The following CNTLN variants were observed in gnomAD, a reference collection of about 807,000 sequenced individuals.
CNTLN encodes the protein centlein, centrosomal protein.
Under a neutral mutation model 180.0 loss-of-function variants are expected in CNTLN, and 212 were observed. That is an observed-to-expected ratio of 1.18 (90% CI 1.05 to 1.32). The LOEUF (loss-of-function observed/expected upper bound fraction) is 1.32, where lower values mean the gene tolerates loss of function less well. Among genes scored for constraint, CNTLN ranks in the 40% most tolerant of loss-of-function variants. CNTLN has a pLI of 0.00. For synonymous variants in CNTLN, 722 were observed against 563.1 expected (o/e 1.28, Z -3.99); for missense variants, 2,095 against 1,610.9 (o/e 1.30, Z -5.14).
chr9:17,404,389 C>T (rs893164887), intron 15 of CNTLN, among the ~76,000 whole-genome samples: 1 of 151,578 alleles, frequency 6.6e-6, no homozygotes, highest in Non-Finnish European at 1.5e-5. Context: ...TGATCTTGGG[C>T]TAGGGGATTT....
In CNTLN at chr9:17,494,876, C is replaced by CTT. The variant is rs35224903; in HGVS notation, c.4120-7654_4120-7653dup. 1,448 of 272,614 alleles carry CTT rather than the reference C, an allele frequency of 5.3e-3. 1 individual carries two copies. Among genetic ancestry groups the CTT allele is most frequent in the South Asian group, 9.2e-3 (415 of 44,962 alleles). 16.9% of individuals were successfully genotyped at this position (272,614 alleles called of 1,614,324 possible). ...TAGTTTATGTATTTACTATACCATA[C>CTT]TTTTTTTTTTTTTTTTTTTTTTGGT... is the stretch of plus-strand genomic sequence containing the variant. On this transcript the variant is annotated intron_variant, in intron 25 of 25. Transcript: ENST00000380647.
chr9:17,390,367 T>G (rs1826017389), intron 14 of CNTLN, among the ~76,000 whole-genome samples: 1 of 148,004 alleles, frequency 6.8e-6, no homozygotes, highest in Non-Finnish European at 1.5e-5. Flanking sequence ...GTCTCCCAAG[T>G]AACTGGGACT....
rs567306179 is a variant in CNTLN, at chr9:17,213,259, T to G, written c.450-12944T>G. Among the ~76,000 whole-genome samples, 17 of 152,346 alleles carry G rather than the reference T, an allele frequency of 1.1e-4. No homozygotes were observed. The South Asian group carries it at 3.3e-3, about 30-fold the overall frequency. ...CCAGAGATTCTGGTATGTTGTGTGT[T>G]TGTTCTCATTGGTTTCAAAGAGCAT... On this transcript the variant is annotated intron_variant, in intron 2 of 25. Coordinates refer to ENST00000380647, the MANE Select transcript of CNTLN (RefSeq NM_017738.4).
chr9:17,177,136 G>T (rs561391214), intron 2 of CNTLN, among the ~76,000 whole-genome samples: 1 of 151,922 alleles, frequency 6.6e-6, no homozygotes, highest in East Asian at 1.9e-4. Flanking sequence ...TTGGCTGGGC[G>T]CGGTGGCTCA....
At chr9:17,495,230 T>TA (rs900304194) in intron 25 of CNTLN, among the ~76,000 whole-genome samples, 1,630 of 145,836 alleles carry the variant, frequency 0.011, 31 homozygotes, top group African/African-American at 0.035. Context: ...TTATACTTAT[T>TA]AAAAAAAAAA....
chr9:17,449,503 GAA>G (rs199718372), intron 18 of CNTLN, among the ~76,000 whole-genome samples: 1 of 139,184 alleles, frequency 7.2e-6, no homozygotes. Context: ...AATAATAAAA[GAA>G]AAAAAAAAAG....
At chr9:17,333,496 A>C (rs1270257908) in intron 10 of CNTLN, among the ~76,000 whole-genome samples, 3 of 152,122 alleles carry the variant, frequency 2.0e-5, no homozygotes, top group African/African-American at 7.2e-5. Context: ...TTTACACATG[A>C]TTAGAATGCA....
At chr9:17,403,826 A>G (rs978057760) in intron 15 of CNTLN, among the ~76,000 whole-genome samples, 2 of 151,660 alleles carry the variant, frequency 1.3e-5, no homozygotes, top group African/African-American at 4.9e-5. Flanking sequence ...CCCAGACTGG[A>G]GTGCAGTGGT....
At chr9:17,520,935 G>T in the CNTLN span, among the ~76,000 whole-genome samples, 2 of 152,118 alleles carry the variant, frequency 1.3e-5, no homozygotes, top group African/African-American at 4.8e-5. Context: ...AATCGAAGCT[G>T]CTTCTTCTTC....
At chr9:17,166,953 A>T (rs1223038361) in intron 2 of CNTLN, 1 of 440,058 alleles carries the variant, frequency 2.3e-6, no homozygotes, top group East Asian at 8.0e-5. Context: ...GAAGATTGAG[A>T]AGACTTGGTA....
intron 25 of CNTLN, among the ~76,000 whole-genome samples, chr9:17,489,105 C>G (rs1588102218): frequency 6.6e-6 from 1 of 151,960 alleles, no homozygotes; most frequent in East Asian, 1.9e-4. Flanking sequence ...TAATTACACC[C>G]AAGAGAAAAA....
intron 2 of CNTLN, among the ~76,000 whole-genome samples, chr9:17,209,614 T>C (rs966395876): frequency 1.3e-5 from 2 of 152,212 alleles, no homozygotes; most frequent in East Asian, 3.8e-4. Context: ...TAGGCACCTA[T>C]ATAATTATAA....
chr9:17,343,543 T>TA (rs1821645616), intron 12 of CNTLN, among the ~76,000 whole-genome samples: 1 of 152,186 alleles, frequency 6.6e-6, no homozygotes, highest in South Asian at 2.1e-4. Flanking sequence ...ATTTACCACT[T>TA]AAAGTGCAGT....
At chr9:17,169,435 A>G (rs1820288422) in intron 2 of CNTLN, among the ~76,000 whole-genome samples, 1 of 152,182 alleles carries the variant, frequency 6.6e-6, no homozygotes, top group Non-Finnish European at 1.5e-5. Flanking sequence ...TAGTTCTATG[A>G]ATTGAAATCA....
intron 2 of CNTLN, among the ~76,000 whole-genome samples, chr9:17,190,697 C>T (rs1047941000): frequency 1.3e-5 from 2 of 151,904 alleles, no homozygotes; most frequent in East Asian, 1.9e-4. Flanking sequence ...TCTCATTAAC[C>T]GAGTTGTCAT....
At chr9:17,143,039 C>T (rs1210230977) in intron 1 of CNTLN, among the ~76,000 whole-genome samples, 2 of 152,132 alleles carry the variant, frequency 1.3e-5, no homozygotes, top group African/African-American at 4.8e-5. Context: ...GCAAGTTTAA[C>T]TAGATATTTA....
the CNTLN span, among the ~76,000 whole-genome samples, chr9:17,509,077 C>T: frequency 6.6e-6 from 1 of 152,242 alleles, no homozygotes; most frequent in Non-Finnish European, 1.5e-5. Context: ...CCAACCACCC[C>T]TGTCTTTGCC....
chr9:17,483,832 A>G (rs1317837247), intron 23 of CNTLN, among the ~76,000 whole-genome samples: 2 of 152,210 alleles, frequency 1.3e-5, no homozygotes, highest in Non-Finnish European at 2.9e-5. Flanking sequence ...TTTGTAATCT[A>G]CTATTGATAA....
chr9:17,342,283 T>G lies in CNTLN; in HGVS notation c.1767-42T>G, dbSNP rs111594591. On this transcript the variant is annotated intron_variant, in intron 11 of 25. Coordinates refer to ENST00000380647, the MANE Select transcript of CNTLN (RefSeq NM_017738.4). Reference sequence around the variant, plus strand: ...TGTATAAAATAATTTTTATTGCACTTCAGACATGTTAATTGAAAAAGCAAC... The same window carrying G: ...TGTATAAAATAATTTTTATTGCACTGCAGACATGTTAATTGAAAAAGCAAC... The G allele has an allele frequency of 1.4e-5, 23 of 1,593,588 alleles. 1 individual carries two copies. In the African/African-American group the frequency reaches 2.4e-4, roughly 17 times the overall value.
Sources: gnomAD v4.1 joint callset for allele counts (sites outside exome capture counted in the v4.1 genomes callset) on GRCh38, gnomAD v4.1.1 for gene constraint, MANE v1.5 for transcripts, NCBI Gene and HGNC (gene_info 2026-07-23, HGNC 2026-07-21) for gene names.